SPOCK1: variants seen among roughly 807,000 people sequenced by gnomAD.
SPOCK1 encodes testican-1.
SPOCK1 carries 23 observed loss-of-function variants against 55.3 expected under a neutral mutation model. The ratio of observed to expected loss-of-function variants is 0.42; its 90% confidence interval spans 0.30 to 0.59. The LOEUF is 0.59. Among genes scored for constraint, SPOCK1 ranks in the 20% least tolerant of loss-of-function variants. SPOCK1 has a pLI of 0.22. For missense variants in SPOCK1, 499 were observed against 552.5 expected (o/e 0.90, Z 0.97); for synonymous variants, 226 against 221.0 (o/e 1.02, Z -0.20).
At chr5:137,041,643 G>A (rs938051434) in intron 6 of SPOCK1, among the ~76,000 whole-genome samples, 2 of 152,066 alleles carry the variant, frequency 1.3e-5, no homozygotes, top group Non-Finnish European at 2.9e-5. Context: ...CTTTAAAAGT[G>A]TACAAAACAT....
At chr5:137,145,415 T>C (rs1276200180) in intron 3 of SPOCK1, among the ~76,000 whole-genome samples, 4 of 152,232 alleles carry the variant, frequency 2.6e-5, no homozygotes, top group Admixed American at 1.3e-4. Context: ...ATCAAGCCTT[T>C]GCACTCTTCT....
At chr5:137,468,429 T>C (rs1023265421) in intron 2 of SPOCK1, among the ~76,000 whole-genome samples, 3 of 152,238 alleles carry the variant, frequency 2.0e-5, no homozygotes, top group Non-Finnish European at 4.4e-5. Flanking sequence ...CAGGTTCAAG[T>C]ACCAGCCATA....
At chr5:137,124,394 G>A (rs972731887) in intron 4 of SPOCK1, among the ~76,000 whole-genome samples, 4 of 152,164 alleles carry the variant, frequency 2.6e-5, no homozygotes, top group African/African-American at 9.6e-5. Flanking sequence ...ATTTCTGGCT[G>A]AGTGCGCAAC....
chr5:137,136,456 C>G (rs1753987176), intron 4 of SPOCK1, among the ~76,000 whole-genome samples: 1 of 151,886 alleles, frequency 6.6e-6, no homozygotes, highest in Non-Finnish European at 1.5e-5. Context: ...TAAAAATTAA[C>G]TAAAGAGGAT....
At chr5:137,282,563 C>T (rs1227617605) in intron 2 of SPOCK1, among the ~76,000 whole-genome samples, 3 of 152,182 alleles carry the variant, frequency 2.0e-5, no homozygotes, top group Non-Finnish European at 4.4e-5. Flanking sequence ...GGAGGTGATG[C>T]CTTCATAATA....
At chr5:137,364,608 G>C (rs1256947208) in intron 2 of SPOCK1, among the ~76,000 whole-genome samples, 1 of 152,108 alleles carries the variant, frequency 6.6e-6, no homozygotes, top group Non-Finnish European at 1.5e-5. Flanking sequence ...TAAGACAAGG[G>C]CAATTTGCCC....
intron 2 of SPOCK1, among the ~76,000 whole-genome samples, chr5:137,403,365 A>T (rs1486672955): frequency 6.6e-6 from 1 of 152,138 alleles, no homozygotes; most frequent in Non-Finnish European, 1.5e-5. Context: ...CCAACAACAC[A>T]TATTTATTAA....
chr5:137,016,795 A>C (rs922920833), intron 6 of SPOCK1, among the ~76,000 whole-genome samples: 5 of 152,240 alleles, frequency 3.3e-5, no homozygotes, highest in African/African-American at 1.2e-4. Flanking sequence ...ATTTTAAGAG[A>C]GCAAAACAAT....
intron 5 of SPOCK1, among the ~76,000 whole-genome samples, chr5:137,090,321 C>T: frequency 6.6e-6 from 1 of 152,212 alleles, no homozygotes; most frequent in East Asian, 1.9e-4. Flanking sequence ...CCAACAGACA[C>T]ATCTGTGAAT....
At chr5:137,353,764 T>C (rs1228704020) in intron 2 of SPOCK1, among the ~76,000 whole-genome samples, 1 of 152,276 alleles carries the variant, frequency 6.6e-6, no homozygotes, top group Non-Finnish European at 1.5e-5. Flanking sequence ...AACTCCTTCC[T>C]AGATGGGAGG....
intron 2 of SPOCK1, among the ~76,000 whole-genome samples, chr5:137,426,504 G>A (rs1195928639): frequency 1.3e-5 from 2 of 152,246 alleles, no homozygotes; most frequent in Admixed American, 6.5e-5. Context: ...CTTGATGTTC[G>A]ACATATTTCT....
intron 6 of SPOCK1, among the ~76,000 whole-genome samples, chr5:136,997,808 C>T (rs1159105520): frequency 1.3e-5 from 2 of 152,166 alleles, no homozygotes; most frequent in Non-Finnish European, 2.9e-5. Context: ...TGATAGCATT[C>T]ATAACACCCA....
At chr5:137,008,293 A>AC (rs774157155) in intron 6 of SPOCK1, among the ~76,000 whole-genome samples, 1,512 of 40,562 alleles carry the variant, frequency 0.037, 9 homozygotes, top group Non-Finnish European at 0.089. Flanking sequence ...TATAATAATA[A>AC]ATACACACAC....
At chr5:137,191,939 C>T (rs1398913568) in intron 3 of SPOCK1, among the ~76,000 whole-genome samples, 2 of 152,018 alleles carry the variant, frequency 1.3e-5, no homozygotes, top group Non-Finnish European at 2.9e-5. Context: ...GAAAAACAAG[C>T]GGCCAGGCGC....
intron 2 of SPOCK1, among the ~76,000 whole-genome samples, chr5:137,369,477 C>T (rs550968405): frequency 4.7e-4 from 72 of 152,298 alleles, no homozygotes; most frequent in Non-Finnish European, 9.1e-4. Context: ...AGGCAATATC[C>T]ACACAGGGGT....
chr5:137,089,459 T>A (rs1753015682), intron 5 of SPOCK1, among the ~76,000 whole-genome samples: 1 of 152,066 alleles, frequency 6.6e-6, no homozygotes, highest in African/African-American at 2.4e-5. Context: ...TACAACATGA[T>A]AGCAGAGGGC....
rs142275362 is a variant in SPOCK1, at chr5:137,376,130, G to A, written c.187-109075C>T. Among the ~76,000 whole-genome samples the A allele has an allele frequency of 4.3e-3, 662 of 152,292 alleles. 6 individuals carry two copies. The highest frequency in any genetic ancestry group is 0.015 in the African/African-American group (622 of 41,554). On this transcript the variant is annotated intron_variant, in intron 2 of 10. Coordinates refer to ENST00000394945, the MANE Select transcript of SPOCK1 (RefSeq NM_004598.4). ...GGCTTTCACCACACAGTAGACAACCGCAGGCATGCTTGCCTCTAATTATTT... is the reference window on the plus strand; with the variant it reads ...GGCTTTCACCACACAGTAGACAACCACAGGCATGCTTGCCTCTAATTATTT...
At chr5:137,037,830 AG>A (rs1296619989) in intron 6 of SPOCK1, among the ~76,000 whole-genome samples, 1 of 152,192 alleles carries the variant, frequency 6.6e-6, no homozygotes, top group East Asian at 1.9e-4. Flanking sequence ...GAGCAGGGAG[AG>A]GTGACCCAGG....
intron 6 of SPOCK1, among the ~76,000 whole-genome samples, chr5:137,052,064 G>A (rs972297571): frequency 2.0e-5 from 3 of 152,166 alleles, no homozygotes; most frequent in Non-Finnish European, 4.4e-5. Context: ...AGAAAGGGGT[G>A]CCCTTCTTTG....
Sources: gnomAD v4.1 joint callset for allele counts (sites outside exome capture counted in the v4.1 genomes callset) on GRCh38, gnomAD v4.1.1 for gene constraint, MANE v1.5 for transcripts, NCBI Gene and HGNC (gene_info 2026-07-23, HGNC 2026-07-21) for gene names.